The following ST8SIA6 variants were observed in gnomAD, a reference collection of about 807,000 sequenced individuals.
ST8SIA6 encodes the protein ST8 alpha-N-acetyl-neuraminide alpha-2,8-sialyltransferase 6, also known as alpha-2,8-sialyltransferase 8F.
In ST8SIA6, 39 loss-of-function variants were observed where a neutral mutation model predicts 33.6. That is an observed-to-expected ratio of 1.16 (90% confidence interval 0.90 to 1.52). ST8SIA6 has a LOEUF of 1.52. Among genes scored for constraint, ST8SIA6 ranks in the 40% most tolerant of loss-of-function variants. The probability of loss-of-function intolerance (pLI) is 0.00; values close to 1 mark genes in which losing one functional copy is unlikely to be tolerated. For synonymous variants in ST8SIA6, 172 were observed against 167.2 expected, an observed-to-expected ratio of 1.03 and a Z score of -0.22; for missense variants, 441 against 443.8, an observed-to-expected ratio of 0.99 and a Z score of 0.06.
chr10:17,390,470 G>A (rs1373373014), intron 3 of ST8SIA6, 61 bp downstream of exon 3: 1 of 1,390,070 alleles, frequency 7.2e-7, no homozygotes, highest in Non-Finnish European at 1.0e-6. Context: ...GACACTGTCA[G>A]ACATTCTGAA....
intron 7 of ST8SIA6, among the ~76,000 whole-genome samples, chr10:17,322,847 G>T (rs1848001558): frequency 2.6e-5 from 4 of 152,158 alleles, no homozygotes; most frequent in Admixed American, 2.6e-4. Context: ...CATTTGATTA[G>T]CTTATGACAT....
chr10:17,453,425 A>C lies in ST8SIA6; in HGVS notation c.200+134T>G, dbSNP rs545287820. The C allele has an allele frequency of 8.6e-5, 52 of 607,470 alleles. No individual in the cohort carries two copies. The African/African-American group carries it at 9.5e-4, about 11-fold the overall frequency. 37.6% of individuals were successfully genotyped at this position (607,470 alleles called of 1,614,324 possible). A position where few individuals can be genotyped will look rare whatever the true frequency, so the allele number is the denominator to read the frequency against. ...CCCCAACCCCGCGCCCTCTTCAAAC[A>C]CACGCACACTCTTACACTCACTCGC... On this transcript the variant is annotated intron_variant, in intron 2 of 7. Transcript: ENST00000377602.
At chr10:17,387,496 AC>A (rs1850422424) in intron 3 of ST8SIA6, among the ~76,000 whole-genome samples, 1 of 140,144 alleles carries the variant, frequency 7.1e-6, no homozygotes, top group Admixed American at 7.6e-5. Flanking sequence ...CGAACTCCCC[AC>A]CTCGGGTGAT....
intron 2 of ST8SIA6, among the ~76,000 whole-genome samples, chr10:17,443,376 A>C (rs566183139): frequency 6.6e-6 from 1 of 152,370 alleles, no homozygotes; most frequent in East Asian, 1.9e-4. Flanking sequence ...TCCAGCAACC[A>C]GTGAGAGACT....
intron 2 of ST8SIA6, among the ~76,000 whole-genome samples, chr10:17,439,572 T>C (rs1036360136): frequency 2.0e-5 from 3 of 152,216 alleles, no homozygotes; most frequent in Non-Finnish European, 4.4e-5. Context: ...TGAGCCACCA[T>C]GTCCAGCATA....
chr10:17,444,707 T>C (rs1241586180), intron 2 of ST8SIA6, among the ~76,000 whole-genome samples: 1 of 152,066 alleles, frequency 6.6e-6, no homozygotes, highest in African/African-American at 2.4e-5. Flanking sequence ...TGACAAAGAA[T>C]GAAAGCACTG....
intron 5 of ST8SIA6, among the ~76,000 whole-genome samples, chr10:17,330,827 G>T (rs1375876509): frequency 6.6e-6 from 1 of 152,144 alleles, no homozygotes; most frequent in East Asian, 1.9e-4. Flanking sequence ...TCTCCTAACT[G>T]TGTGAAGTGG....
chr10:17,415,853 A>G (rs577040719), intron 2 of ST8SIA6, among the ~76,000 whole-genome samples: 4 of 128,488 alleles, frequency 3.1e-5, no homozygotes, highest in African/African-American at 1.3e-4. Context: ...TCTGTCACCC[A>G]GGCTGGAGTG....
intron 6 of ST8SIA6, among the ~76,000 whole-genome samples, chr10:17,324,869 A>C (rs1182969979): frequency 6.8e-6 from 1 of 146,842 alleles, no homozygotes; most frequent in East Asian, 1.9e-4. Context: ...TATAATATGC[A>C]TATATGTAAT....
chr10:17,360,112 A>G (rs2131618397), intron 3 of ST8SIA6, among the ~76,000 whole-genome samples: 1 of 152,282 alleles, frequency 6.6e-6, no homozygotes, highest in East Asian at 1.9e-4. Flanking sequence ...AAAAATCTAT[A>G]GGTAGAGTGG....
At chr10:17,433,702 C>T (rs1238419582) in intron 2 of ST8SIA6, among the ~76,000 whole-genome samples, 1 of 152,184 alleles carries the variant, frequency 6.6e-6, no homozygotes, top group Admixed American at 6.5e-5. Flanking sequence ...ATCAGCTCTG[C>T]CTCACTGTAG....
chr10:17,362,242 C>T (rs1214989914), intron 3 of ST8SIA6, among the ~76,000 whole-genome samples: 1 of 152,140 alleles, frequency 6.6e-6, no homozygotes, highest in Non-Finnish European at 1.5e-5. Flanking sequence ...ACATAATCAT[C>T]TAATGATTGT....
rs114187309 is a variant in ST8SIA6, at chr10:17,340,275, G to A, written c.378-8723C>T. 7.9e-3 allele frequency among the ~76,000 whole-genome samples: 1,200 copies of A among 151,902 alleles called. 14 individuals are homozygous for A. Among genetic ancestry groups the A allele is most frequent in the African/African-American group, 0.026 (1,081 of 41,412 alleles). On this transcript the variant is annotated intron_variant, in intron 4 of 7. Transcript: ENST00000377602. ...ATCTGTTCCCCTGGTCACCTGCTTC[G>A]TCCTGAGTCACCCTGGTCACCTGTT...
At chr10:17,335,572 T>G (rs769743753) in intron 4 of ST8SIA6, among the ~76,000 whole-genome samples, 1 of 152,206 alleles carries the variant, frequency 6.6e-6, no homozygotes, top group African/African-American at 2.4e-5. Context: ...TCCTTCTTAA[T>G]TGGATTCTGT....
chr10:17,453,818 G>C (rs1481728416), intron 1 of ST8SIA6, among the ~76,000 whole-genome samples, 161 bp from the exon 2 acceptor site: 1 of 152,224 alleles, frequency 6.6e-6, no homozygotes, highest in Non-Finnish European at 1.5e-5. Flanking sequence ...GGGCGGGAAG[G>C]AAGAGACAGC....
At chr10:17,400,339 C>T (rs74513838) in intron 2 of ST8SIA6, among the ~76,000 whole-genome samples, 3,541 of 152,234 alleles carry the variant, frequency 0.023, 144 homozygotes, top group African/African-American at 0.08. Flanking sequence ...CGAGACCAGC[C>T]TGGTTAACAT....
intron 3 of ST8SIA6, among the ~76,000 whole-genome samples, chr10:17,374,071 C>CACACA (rs1225769260): frequency 9.6e-4 from 134 of 139,102 alleles, no homozygotes; most frequent in Middle Eastern, 3.6e-3. Context: ...TCAACAACCA[C>CACACA]CACACACACA....
At chr10:17,330,831 G>A (rs563733796) in intron 5 of ST8SIA6, among the ~76,000 whole-genome samples, 70 of 152,170 alleles carry the variant, frequency 4.6e-4, no homozygotes, top group Non-Finnish European at 7.9e-4. Context: ...CTAACTGTGT[G>A]AAGTGGTTTT....
chr10:17,443,126 T>C (rs1228026425), intron 2 of ST8SIA6, among the ~76,000 whole-genome samples: 1 of 152,202 alleles, frequency 6.6e-6, no homozygotes, highest in Admixed American at 6.5e-5. Flanking sequence ...CAACTTAATG[T>C]GCAAACAGTA....
Sources: gnomAD v4.1 joint callset for allele counts (sites outside exome capture counted in the v4.1 genomes callset) on GRCh38, gnomAD v4.1.1 for gene constraint, MANE v1.5 for transcripts, NCBI Gene and HGNC (gene_info 2026-07-23, HGNC 2026-07-21) for gene names.